EHBP1: variants seen among roughly 807,000 people sequenced by gnomAD.
EHBP1 encodes EH domain binding protein 1.
A neutral mutation model predicts 144.0 loss-of-function variants in EHBP1; 55 were observed. The observed-to-expected ratio is 0.38, with a 90% confidence interval of 0.31 to 0.48. The LOEUF (loss-of-function observed/expected upper bound fraction) is 0.48. Among genes scored for constraint, EHBP1 ranks in the 20% least tolerant of loss-of-function variants. The pLI is 0.98. For missense variants in EHBP1, 1,200 were observed against 1,364.2 expected (o/e 0.88, Z 1.90); for synonymous variants, 469 against 472.7 (o/e 0.99, Z 0.10).
At chr2:62,971,895 A>G (rs1303050165) in intron 14 of EHBP1, among the ~76,000 whole-genome samples, 1 of 152,184 alleles carries the variant, frequency 6.6e-6, no homozygotes, top group Non-Finnish European at 1.5e-5. Flanking sequence ...ATCCTTTATA[A>G]CTCAGTCTAA....
chr2:62,719,649 T>G (rs889407863), intron 2 of EHBP1, among the ~76,000 whole-genome samples: 6 of 152,224 alleles, frequency 3.9e-5, no homozygotes, highest in African/African-American at 1.4e-4. Flanking sequence ...AAAAACAAAA[T>G]TGTATCAAAC....
intron 7 of EHBP1, among the ~76,000 whole-genome samples, chr2:62,855,873 G>A (rs187101808): frequency 6.6e-6 from 1 of 152,174 alleles, no homozygotes; most frequent in Non-Finnish European, 1.5e-5. Flanking sequence ...AAGACAATGG[G>A]TCGACCTGCC....
intron 10 of EHBP1, among the ~76,000 whole-genome samples, chr2:62,913,826 G>A (rs1295837738): frequency 1.3e-5 from 2 of 152,106 alleles, no homozygotes; most frequent in Admixed American, 6.6e-5. Context: ...TTTACTTGTC[G>A]TCTAGTAAAG....
chr2:62,880,575 T>G (rs1389751481), intron 10 of EHBP1, among the ~76,000 whole-genome samples: 1 of 151,902 alleles, frequency 6.6e-6, no homozygotes, highest in Non-Finnish European at 1.5e-5. Flanking sequence ...CCAACCCCAT[T>G]AAACAATGAG....
chr2:62,905,457 T>C (rs187711667), intron 10 of EHBP1, among the ~76,000 whole-genome samples: 188 of 152,264 alleles, frequency 1.2e-3, no homozygotes, highest in African/African-American at 4.4e-3. Flanking sequence ...GAAGGCCATG[T>C]TATTCCAAGG....
intron 8 of EHBP1, among the ~76,000 whole-genome samples, chr2:62,862,316 T>C (rs1160456787): frequency 3.3e-5 from 5 of 152,148 alleles, no homozygotes; most frequent in Non-Finnish European, 5.9e-5. Context: ...CTTTAAAATA[T>C]AAAAGTCATT....
chr2:62,728,252 A>C (rs360801), intron 2 of EHBP1, among the ~76,000 whole-genome samples: 32 of 152,134 alleles, frequency 2.1e-4, no homozygotes, highest in African/African-American at 7.7e-4. Flanking sequence ...TTCCTATTCT[A>C]TCTCAGGTAC....
Position 62,793,724 on chromosome 2 carries a change from G to A in EHBP1, c.312+22332G>A, listed in dbSNP as rs114747721. ...ATTTTGTAAATAATAGCTCTATGCT[G>A]CATATGATCTACGAAATAAAGAAAA... On this transcript the variant is annotated intron_variant, in intron 5 of 22. Coordinates refer to ENST00000431489, the MANE Select transcript of EHBP1 (RefSeq NM_001142616.3). Among the ~76,000 whole-genome samples, 1,252 of 152,134 alleles carry A rather than the reference G, an allele frequency of 8.2e-3. 21 individuals carry two copies. Among genetic ancestry groups the A allele is most frequent in the African/African-American group, 0.029 (1,202 of 41,540 alleles).
chr2:62,716,575 C>G (rs2035700837), intron 2 of EHBP1, among the ~76,000 whole-genome samples: 1 of 152,180 alleles, frequency 6.6e-6, no homozygotes, highest in African/African-American at 2.4e-5. Flanking sequence ...GTGTCTCAAG[C>G]AGGTACTTAG....
intron 5 of EHBP1, among the ~76,000 whole-genome samples, chr2:62,822,802 A>T (rs1005973548): frequency 2.0e-5 from 3 of 152,158 alleles, no homozygotes; most frequent in African/African-American, 7.2e-5. Flanking sequence ...TCTGCCAAAG[A>T]TTAACCAATG....
chr2:62,864,806 A>G lies in EHBP1; in HGVS notation c.833A>G (p.Glu278Gly), dbSNP rs2049912344. 2 of 1,613,928 alleles carry G rather than the reference A, an allele frequency of 1.2e-6. No individual in the cohort carries two copies. The highest frequency in any genetic ancestry group is 1.3e-5 in the African/African-American group (1 of 74,918). Reference sequence around the variant, plus strand: ...AATAACAGCTATAATCCCTTTAAAGAGGTGCAGACTCCACAGTATTTGAAC... The same window carrying G: ...AATAACAGCTATAATCCCTTTAAAGGGGTGCAGACTCCACAGTATTTGAAC... ...FYNNSYNPFK[E>G]VQTPQYLNPF... The change falls in exon 9 of 23, where the codon GAG becomes GGG. Residue 278 changes from glutamate to glycine, a missense_variant. By Grantham distance (98) the Glu-to-Gly change is moderately conservative. This residue lies in a region of EHBP1 where 266 missense variants were observed against 262.4 expected (regional missense o/e 1.01). Coordinates refer to ENST00000431489, the MANE Select transcript of EHBP1 (RefSeq NM_001142616.3).
chr2:62,961,552 A>G (rs1558987649), intron 14 of EHBP1, among the ~76,000 whole-genome samples: 1 of 152,136 alleles, frequency 6.6e-6, no homozygotes, highest in South Asian at 2.1e-4. Context: ...TGTGCTTTAA[A>G]TGATTTTTTT....
At chr2:62,819,327 G>A (rs989503640) in intron 5 of EHBP1, among the ~76,000 whole-genome samples, 1 of 152,114 alleles carries the variant, frequency 6.6e-6, no homozygotes, top group Admixed American at 6.5e-5. Context: ...ATACAATTTG[G>A]TATTTTCCGA....
intron 19 of EHBP1, among the ~76,000 whole-genome samples, chr2:63,012,430 T>C (rs1261607989): frequency 6.6e-6 from 1 of 152,132 alleles, no homozygotes. Flanking sequence ...TAGGTTTGAT[T>C]CTAAGCAAAA....
chr2:62,838,245 G>A (rs937155121), intron 7 of EHBP1, among the ~76,000 whole-genome samples: 143 of 152,216 alleles, frequency 9.4e-4, no homozygotes, highest in Non-Finnish European at 1.6e-3. Flanking sequence ...TGACTACTGG[G>A]TACATAACGA....
intron 10 of EHBP1, among the ~76,000 whole-genome samples, chr2:62,922,115 C>T (rs1425233114): frequency 1.3e-5 from 2 of 152,122 alleles, no homozygotes; most frequent in Non-Finnish European, 2.9e-5. Context: ...GTGGAGGTTG[C>T]AGTGAGCGGA....
chr2:62,976,718 C>G (rs2058733590), intron 14 of EHBP1, among the ~76,000 whole-genome samples: 1 of 152,132 alleles, frequency 6.6e-6, no homozygotes. Context: ...CATCAGCTCT[C>G]TAGTCATAGT....
At chr2:62,806,603 TCCTC>T (rs2044507937) in intron 5 of EHBP1, among the ~76,000 whole-genome samples, 1 of 152,158 alleles carries the variant, frequency 6.6e-6, no homozygotes, top group Non-Finnish European at 1.5e-5. Context: ...GTTCAAGCAA[TCCTC>T]TTGCCTCGGC....
intron 1 of EHBP1, 57 bp downstream of exon 1, chr2:62,706,109 TG>T: frequency 6.5e-6 from 1 of 152,940 alleles, no homozygotes; most frequent in Non-Finnish European, 1.5e-5. Context: ...GGGTCCGGGC[TG>T]GGGTCTTCTG....
Sources: allele counts gnomAD v4.1 joint callset (sites outside exome capture counted in the v4.1 genomes callset), GRCh38; gene constraint gnomAD v4.1.1; regional missense constraint gnomAD v4.1.1; transcripts MANE v1.5; gene names NCBI Gene and HGNC (gene_info 2026-07-23, HGNC 2026-07-21).